Variants in C1orf50 observed in about 807,000 individuals in gnomAD.
C1orf50 encodes chromosome 1 open reading frame 50, also known as uncharacterized protein C1orf50.
C1orf50 carries 22 observed loss-of-function variants against 23.3 expected under a neutral mutation model. The ratio of observed to expected loss-of-function variants is 0.94; its 90% CI spans 0.67 to 1.35. The LOEUF (loss-of-function observed/expected upper bound fraction) is 1.35. Among genes scored for constraint, C1orf50 ranks in the 40% most tolerant of loss-of-function variants. The probability of loss-of-function intolerance (pLI) is 0.00; values close to 1 mark genes in which losing one functional copy is unlikely to be tolerated. For missense variants in C1orf50, 271 were observed against 249.4 expected, an observed-to-expected ratio of 1.09 and a Z score of -0.58; for synonymous variants, 96 against 102.4, an observed-to-expected ratio of 0.94 and a Z score of 0.38.
intron 2 of C1orf50, among the ~76,000 whole-genome samples, chr1:42,771,539 T>G (rs1178358019): frequency 6.6e-6 from 1 of 152,030 alleles, no homozygotes; most frequent in Non-Finnish European, 1.5e-5. Flanking sequence ...TTTTGAAGGC[T>G]TAATATCAAA....
In C1orf50 at chr1:42,767,350, C is replaced by T. The variant is rs565054315; in HGVS notation, c.39C>T (p.Val13=). The part of the protein sequence containing the change: ...DAAAPGRTEG[V]LERQGAPPAA... ...CCGCGCCGGGGCGGACCGAGGGGGT[C>T]CTTGAAAGGCAAGGAGCGCCGCCAG... Residue 13 remains valine, a synonymous_variant, in exon 1 of 5, where the codon GTC becomes GTT. Transcript: ENST00000372525. 2.0e-6 allele frequency: 3 copies of T among 1,537,014 alleles called. No homozygotes were observed. Among genetic ancestry groups the T allele is most frequent in the Admixed American group, 4.7e-5 (2 of 42,404 alleles).
intron 2 of C1orf50, among the ~76,000 whole-genome samples, chr1:42,767,921 A>G (rs1186172965): frequency 6.6e-6 from 1 of 152,202 alleles, no homozygotes; most frequent in African/African-American, 2.4e-5. Context: ...CTTGTGAGGT[A>G]GGCAGTACAG....
intron 1 of C1orf50, 40 bp from the exon 2 acceptor site, chr1:42,767,469 G>A (rs1198690443): frequency 1.3e-6 from 2 of 1,556,248 alleles, no homozygotes; most frequent in East Asian, 4.8e-5. Flanking sequence ...GAGGCCGACG[G>A]CGGGAGCTCA....
chr1:42,771,638 A>G (rs1038661758), intron 2 of C1orf50, among the ~76,000 whole-genome samples: 10 of 152,252 alleles, frequency 6.6e-5, no homozygotes, highest in African/African-American at 1.7e-4. Flanking sequence ...ACTTACAAAT[A>G]GTGATTACAT....
In C1orf50 at chr1:42,767,298, G is replaced by A; in HGVS notation, c.-14G>A. On this transcript the variant is annotated 5_prime_UTR_variant, in exon 1 of 5. Coordinates refer to ENST00000372525, the MANE Select transcript of C1orf50 (RefSeq NM_024097.4). ...CTCGCACAGCCCAGGGAGTGGGGAG[G>A]ATAAGGCGCTGTCATGGAGGACGCC... The A allele has an allele frequency of 6.7e-7, 1 of 1,497,002 alleles. No homozygotes were observed. Among genetic ancestry groups the A allele is most frequent in the Non-Finnish European group, 8.9e-7 (1 of 1,128,824 alleles). 92.7% of individuals were successfully genotyped at this position (1,497,002 alleles called of 1,614,324 possible).
Position 42,775,254 on chromosome 1 carries a change from C to G in C1orf50, c.460C>G (p.Leu154Val). ...CPHDFLGAYKLQHDLSWTPYE... is the reference protein window; with the variant it reads ...CPHDFLGAYKVQHDLSWTPYE... ...ACATGACTTCCTTGGTGCCTACAAA[C>G]TACAGCATGACTTGTCCTGGACTCC... Residue 154 changes from leucine to valine, a missense_variant, in exon 5 of 5, where the codon CTA becomes GTA. By Grantham distance (32) the Leu-to-Val change is conservative. Coordinates refer to ENST00000372525, the MANE Select transcript of C1orf50 (RefSeq NM_024097.4). 6.2e-7 allele frequency: 1 copy of G among 1,608,012 alleles called. No homozygotes were observed. The highest frequency in any genetic ancestry group is 8.5e-7 in the Non-Finnish European group (1 of 1,174,898).
chr1:42,768,314 A>G (rs76558529), intron 2 of C1orf50, among the ~76,000 whole-genome samples: 3,765 of 152,324 alleles, frequency 0.025, 109 homozygotes, highest in South Asian at 0.12. Context: ...AAGTTTTGTC[A>G]TTATTCAATG....
chr1:42,768,930 T>C (rs4660665), intron 2 of C1orf50, among the ~76,000 whole-genome samples: 50,396 of 152,088 alleles, frequency 0.33, 8,837 homozygotes, highest in East Asian at 0.65. Flanking sequence ...AAAAAAACTT[T>C]AGAGACAAAC....
At chr1:42,768,771 G>A (rs1245999128) in intron 2 of C1orf50, among the ~76,000 whole-genome samples, 4 of 152,162 alleles carry the variant, frequency 2.6e-5, no homozygotes, top group Non-Finnish European at 2.9e-5. Context: ...GCTATTGAAT[G>A]ACTATCGTGT....
At chr1:42,768,648 G>A (rs927097633) in intron 2 of C1orf50, among the ~76,000 whole-genome samples, 1 of 152,000 alleles carries the variant, frequency 6.6e-6, no homozygotes, top group Non-Finnish European at 1.5e-5. Context: ...AAGAGCTGGG[G>A]AGCAAAGTGC....
chr1:42,772,269 T>G (rs973981231), intron 2 of C1orf50, among the ~76,000 whole-genome samples: 4 of 152,222 alleles, frequency 2.6e-5, no homozygotes, highest in African/African-American at 9.6e-5. Context: ...GAACTTTGCC[T>G]TAAGACTCCT....
At chr1:42,774,592 A>G in intron 3 of C1orf50, 145 bp from the exon 4 acceptor site, 1 of 887,478 alleles carries the variant, frequency 1.1e-6, no homozygotes, top group Non-Finnish European at 1.7e-6. Context: ...TCTTCAGAAT[A>G]ATCTGGATCT....
In C1orf50 at chr1:42,767,330, C is replaced by G; in HGVS notation, c.19C>G (p.Pro7Ala). 1.3e-6 allele frequency: 2 copies of G among 1,521,908 alleles called. No individual in the cohort carries two copies. The highest frequency in any genetic ancestry group is 1.8e-6 in the Non-Finnish European group (2 of 1,140,204). The allele number at this position is 1,521,908 out of a possible 1,614,324, so 94.3% of individuals were successfully genotyped here. A position where few individuals can be genotyped will look rare whatever the true frequency, so the allele number is the denominator to read the frequency against. Residue 7 changes from proline to alanine, a missense_variant, in exon 1 of 5, where the codon CCG becomes GCG. Pro to Ala is a conservative substitution (Grantham distance 27). Transcript: ENST00000372525. ...CGCTGTCATGGAGGACGCCGCCGCG[C>G]CGGGGCGGACCGAGGGGGTCCTTGA... MEDAAA[P>A]GRTEGVLERQ...
At chr1:42,771,893 G>C (rs1653230667) in intron 2 of C1orf50, among the ~76,000 whole-genome samples, 1 of 151,170 alleles carries the variant, frequency 6.6e-6, no homozygotes, top group Admixed American at 6.6e-5. Context: ...TGCGAGATTT[G>C]CTTGAACCCG....
rs1476299195 is a variant in C1orf50 at position 42,774,651 on chromosome 1, G to T, written c.283-86G>T. On this transcript the variant is annotated intron_variant, in intron 3 of 4. Transcript: ENST00000372525. ...GGAGCAAGATCCTAAGCACTGAATG[G>T]TTTCCAAATTTTAATTGGGATGATC... The T allele has an allele frequency of 2.0e-6, 3 of 1,470,336 alleles. No homozygotes were observed. In the East Asian group the frequency reaches 6.9e-5, roughly 34 times the overall value. 91.1% of individuals were successfully genotyped at this position (1,470,336 alleles called of 1,614,324 possible).
chr1:42,776,437 T>G lies in C1orf50; in HGVS notation c.*1043T>G, dbSNP rs1486937156. 1 of 152,254 alleles carries G rather than the reference T, an allele frequency of 6.6e-6. No individual in the cohort carries two copies. Among genetic ancestry groups the G allele is most frequent in the Non-Finnish European group, 1.5e-5 (1 of 68,042 alleles). The allele number at this position is 152,254 out of a possible 1,614,324, so 9.4% of individuals were successfully genotyped here. On this transcript the variant is annotated 3_prime_UTR_variant, in exon 5 of 5. Transcript: ENST00000372525. ...GTTTATGGATTATTTCGCATGGCTATAATCTATTGCAATATGCTGTAAAAG... is the reference window on the plus strand; with the variant it reads ...GTTTATGGATTATTTCGCATGGCTAGAATCTATTGCAATATGCTGTAAAAG...
intron 2 of C1orf50, among the ~76,000 whole-genome samples, chr1:42,768,915 A>C: frequency 6.6e-6 from 1 of 152,102 alleles, no homozygotes; most frequent in East Asian, 1.9e-4. Flanking sequence ...GAGAAGCTGA[A>C]GAAAAAAAAA....
chr1:42,773,785 G>T (rs1653273629), intron 3 of C1orf50, 136 bp downstream of exon 3: 1 of 577,256 alleles, frequency 1.7e-6, no homozygotes, highest in African/African-American at 1.9e-5. Context: ...TAAAATAGAA[G>T]GAATAAGCTT....
At position 42,778,490 on chromosome 1, in the gene C1orf50, A is replaced by G. The variant is rs1228582172; in HGVS notation, c.*3096A>G. ...CAAGTTAGAACTTTCTGGAGGCTCC[A>G]ATTGCCCTTTCATAGGAAGTTTGTC... On this transcript the variant is annotated 3_prime_UTR_variant, in exon 5 of 5. Transcript: ENST00000372525. The G allele has an allele frequency of 2.0e-5, 3 of 152,198 alleles. No individual in the cohort carries two copies. The highest frequency in any genetic ancestry group is 4.4e-5 in the Non-Finnish European group (3 of 68,050). 9.4% of individuals were successfully genotyped at this position (152,198 alleles called of 1,614,324 possible).
Sources: gnomAD v4.1 joint callset for allele counts (sites outside exome capture counted in the v4.1 genomes callset) on GRCh38, gnomAD v4.1.1 for gene constraint, MANE v1.5 for transcripts, NCBI Gene and HGNC (gene_info 2026-07-23, HGNC 2026-07-21) for gene names.